Variants in RASAL2 observed in about 807,000 individuals in gnomAD.
The protein encoded by RASAL2 is RAS protein activator like 2, also known as ras GTPase-activating protein nGAP.
A neutral mutation model predicts 128.9 loss-of-function variants in RASAL2; 58 were observed. That is an observed-to-expected ratio of 0.45 (90% CI 0.36 to 0.56). The LOEUF is 0.56. Ranked by LOEUF, RASAL2 falls within the 20% of genes least tolerant of loss-of-function variation. RASAL2 has a pLI of 0.00. For missense variants in RASAL2, 1,360 were observed against 1,601.6 expected, an observed-to-expected ratio of 0.85 and a Z score of 2.57; for synonymous variants, 561 against 580.8, an observed-to-expected ratio of 0.97 and a Z score of 0.49.
chr1:178,456,973 A>T, intron 13 of RASAL2, 74 bp downstream of exon 13: 1 of 1,448,710 alleles, frequency 6.9e-7, no homozygotes, highest in Non-Finnish European at 9.4e-7. Flanking sequence ...TATTCAACCT[A>T]TTTGTTGAAT....
intron 1 of RASAL2, among the ~76,000 whole-genome samples, chr1:178,267,330 G>A (rs529614742): frequency 5.9e-5 from 9 of 152,116 alleles, no homozygotes; most frequent in Admixed American, 2.6e-4. Flanking sequence ...CTATTATGGC[G>A]GATGAGGATT....
intron 4 of RASAL2, among the ~76,000 whole-genome samples, chr1:178,394,764 A>G (rs1227065149): frequency 6.6e-6 from 1 of 152,248 alleles, no homozygotes; most frequent in East Asian, 1.9e-4. Flanking sequence ...GAACTAAGGC[A>G]GTAGCTGAAT....
chr1:178,320,961 T>C (rs940941013), intron 3 of RASAL2, among the ~76,000 whole-genome samples: 1 of 152,238 alleles, frequency 6.6e-6, no homozygotes, highest in Non-Finnish European at 1.5e-5. Flanking sequence ...AACAAGCACA[T>C]TCTAAGTTTT....
intron 1 of RASAL2, among the ~76,000 whole-genome samples, chr1:178,267,356 A>G (rs1319335884): frequency 6.6e-6 from 1 of 151,810 alleles, no homozygotes; most frequent in Non-Finnish European, 1.5e-5. Context: ...ATCACATAAA[A>G]CCATTCCAAC....
chr1:178,269,126 C>A (rs184015021), intron 1 of RASAL2, among the ~76,000 whole-genome samples: 3 of 152,072 alleles, frequency 2.0e-5, no homozygotes, highest in Non-Finnish European at 4.4e-5. Flanking sequence ...TTAATAGGGC[C>A]GTTGCCCTTA....
chr1:178,224,085 T>G (rs1196934781), intron 1 of RASAL2, among the ~76,000 whole-genome samples: 1 of 152,108 alleles, frequency 6.6e-6, no homozygotes, highest in African/African-American at 2.4e-5. Context: ...TGAATGATGA[T>G]ATGCATGGTG....
chr1:178,231,645 T>TA (rs1408750308), intron 1 of RASAL2, among the ~76,000 whole-genome samples: 3 of 152,186 alleles, frequency 2.0e-5, no homozygotes, highest in Non-Finnish European at 4.4e-5. Flanking sequence ...AGTTTTTTTT[T>TA]ACAAGCTTTA....
intron 1 of RASAL2, 74 bp from the exon 2 acceptor site, chr1:178,283,490 T>C: frequency 6.5e-7 from 1 of 1,540,614 alleles, no homozygotes; most frequent in South Asian, 1.2e-5. Context: ...TTTGGAAGAA[T>C]TTTACATTTG....
At chr1:178,443,367 C>A in intron 8 of RASAL2, 138 bp downstream of exon 8, 1 of 783,904 alleles carries the variant, frequency 1.3e-6, no homozygotes, top group Non-Finnish European at 1.9e-6. Context: ...AGAAGAAAAC[C>A]TATTAGATCC....
At position 178,474,409 on chromosome 1, in the gene RASAL2, G is replaced by C. The variant is rs1648530325; in HGVS notation, c.*1170G>C. The C allele has an allele frequency of 6.6e-6, 1 of 152,038 alleles. No homozygotes were observed. Among genetic ancestry groups the C allele is most frequent in the South Asian group, 2.1e-4 (1 of 4,806 alleles). The allele number at this position is 152,038 out of a possible 1,614,324, so 9.4% of individuals were successfully genotyped here. A position where few individuals can be genotyped will look rare whatever the true frequency, so the allele number is the denominator to read the frequency against. ...TTCTTCCCCTTATCCCCTCAATAAA[G>C]AAAGGAAATCCAAATTTGAAGCATC... On this transcript the variant is annotated 3_prime_UTR_variant, in exon 18 of 18. Coordinates refer to ENST00000367649, the MANE Select transcript of RASAL2 (RefSeq NM_170692.4).
intron 1 of RASAL2, among the ~76,000 whole-genome samples, chr1:178,128,677 A>C (rs1208065502): frequency 1.3e-5 from 2 of 152,124 alleles, no homozygotes; most frequent in African/African-American, 2.4e-5. Flanking sequence ...ATTCCTTTGT[A>C]TCTGTTTGCA....
intron 1 of RASAL2, among the ~76,000 whole-genome samples, chr1:178,118,866 T>G (rs2095972): frequency 0.27 from 41,331 of 151,716 alleles, 6,505 homozygotes; most frequent in African/African-American, 0.44. Context: ...GTTTTTTTTT[T>G]TTTGTTTGTT....
In RASAL2 at chr1:178,318,729, G is replaced by A. The variant is rs921271855; in HGVS notation, c.457+18611G>A. ...GTTTCCTGAATACAGCACACTGATG[G>A]ATCTTGACTCTTTATCCAATTTGCC... On this transcript the variant is annotated intron_variant, in intron 3 of 17. Transcript: ENST00000367649. Among the ~76,000 whole-genome samples, 5 of 152,082 alleles carry A rather than the reference G, an allele frequency of 3.3e-5. No individual in the cohort carries two copies. In the South Asian group the frequency reaches 6.2e-4, roughly 19 times the overall value.
chr1:178,243,537 CTTA>C (rs1664617572), intron 1 of RASAL2, among the ~76,000 whole-genome samples: 1 of 149,898 alleles, frequency 6.7e-6, no homozygotes, highest in African/African-American at 2.5e-5. Context: ...TCCCTGGCTG[CTTA>C]TTGTCTGTTG....
chr1:178,280,753 A>G (rs1666743811), intron 1 of RASAL2, among the ~76,000 whole-genome samples: 1 of 152,080 alleles, frequency 6.6e-6, no homozygotes, highest in Non-Finnish European at 1.5e-5. Context: ...AATTGTTTTC[A>G]GTTTTGCTAT....
chr1:178,302,369 C>G (rs1412711555), intron 3 of RASAL2, among the ~76,000 whole-genome samples: 1 of 151,716 alleles, frequency 6.6e-6, no homozygotes, highest in Admixed American at 6.6e-5. Context: ...TAGCAATAAA[C>G]AGGAAACAAA....
intron 1 of RASAL2, among the ~76,000 whole-genome samples, chr1:178,145,321 C>A (rs1001071456): frequency 2.0e-5 from 3 of 151,564 alleles, no homozygotes; most frequent in African/African-American, 7.3e-5. Context: ...TTGTTTTTAG[C>A]CCCCAGACCA....
chr1:178,296,358 T>TTTTG (rs1310433024), intron 2 of RASAL2, among the ~76,000 whole-genome samples: 3 of 151,770 alleles, frequency 2.0e-5, no homozygotes, highest in African/African-American at 7.3e-5. Context: ...AAGTGCTCGG[T>TTTTG]TTTGTTTGTT....
chr1:178,222,836 AT>A (rs1663659013), intron 1 of RASAL2, among the ~76,000 whole-genome samples: 1 of 152,136 alleles, frequency 6.6e-6, no homozygotes, highest in African/African-American at 2.4e-5. Context: ...TGGGAAGAAA[AT>A]TGCTTTAACA....
Sources: allele counts gnomAD v4.1 joint callset (sites outside exome capture counted in the v4.1 genomes callset), GRCh38; gene constraint gnomAD v4.1.1; transcripts MANE v1.5; gene names NCBI Gene and HGNC (gene_info 2026-07-23, HGNC 2026-07-21).